Variants in AKAP9 observed in about 807,000 individuals in gnomAD.
AKAP9 encodes A-kinase anchoring protein 9.
In AKAP9, 311 loss-of-function variants were observed where a neutral mutation model predicts 488.5. That is an observed-to-expected ratio of 0.64 (90% CI 0.58 to 0.70). The LOEUF is 0.70. Among genes scored for constraint, AKAP9 ranks in the 30% least tolerant of loss-of-function variants. The pLI is 0.00. For synonymous variants in AKAP9, 1,462 were observed against 1,483.5 expected, an observed-to-expected ratio of 0.99 and a Z score of 0.33; for missense variants, 4,215 against 4,374.5, an observed-to-expected ratio of 0.96 and a Z score of 1.03.
At chr7:92,014,967 C>T (rs1207734224) in intron 10 of AKAP9, among the ~76,000 whole-genome samples, 1 of 152,172 alleles carries the variant, frequency 6.6e-6, no homozygotes, top group Non-Finnish European at 1.5e-5. Context: ...ACCCATCTTT[C>T]TGGGTCCCAG....
chr7:92,049,978 T>C (rs1284569658), intron 21 of AKAP9, among the ~76,000 whole-genome samples: 1 of 152,184 alleles, frequency 6.6e-6, no homozygotes, highest in Non-Finnish European at 1.5e-5. Flanking sequence ...CCCAAAACAT[T>C]AGACTGTCTT....
intron 13 of AKAP9, 94 bp downstream of exon 13, chr7:92,022,446 C>A: frequency 1.1e-6 from 1 of 877,226 alleles, no homozygotes; most frequent in Non-Finnish European, 1.9e-6. Context: ...ACGTAGTGAC[C>A]TTTGGCATTT....
At chr7:92,040,086 G>C (rs1805818221) in intron 17 of AKAP9, among the ~76,000 whole-genome samples, 1 of 152,146 alleles carries the variant, frequency 6.6e-6, no homozygotes, top group Non-Finnish European at 1.5e-5. Context: ...ATTTGTATAA[G>C]TAACATTCCT....
Position 92,073,136 on chromosome 7 carries a change from C to T in AKAP9, c.6612+2127C>T, listed in dbSNP as rs371435907. 1.1e-4 allele frequency among the ~76,000 whole-genome samples: 16 copies of T among 152,042 alleles called. 1 individual carries two copies. Among genetic ancestry groups the T allele is most frequent in the African/African-American group, 3.9e-4 (16 of 41,472 alleles). On this transcript the variant is annotated intron_variant, in intron 28 of 49. Coordinates refer to ENST00000356239, the MANE Select transcript of AKAP9 (RefSeq NM_005751.5). ...ACCCAAATGTAAAACTAGCGGTGGACGTCAAGGAATCTACTGTGTAATTAA... is the reference window on the plus strand; with the variant it reads ...ACCCAAATGTAAAACTAGCGGTGGATGTCAAGGAATCTACTGTGTAATTAA...
At chr7:92,008,454 G>A (rs1329018711) in intron 8 of AKAP9, among the ~76,000 whole-genome samples, 3 of 152,138 alleles carry the variant, frequency 2.0e-5, no homozygotes, top group African/African-American at 7.2e-5. Flanking sequence ...TTGGTAGGCC[G>A]AGGTGGGTGG....
chr7:91,954,433 C>T (rs868815061), intron 1 of AKAP9, among the ~76,000 whole-genome samples: 3 of 152,152 alleles, frequency 2.0e-5, no homozygotes, highest in Admixed American at 1.3e-4. Flanking sequence ...TACAGGTACA[C>T]ACCACCATGC....
Position 91,941,001 on chromosome 7 carries a change from C to A in AKAP9, c.-99C>A. On this transcript the variant is annotated 5_prime_UTR_variant, in exon 1 of 50. Transcript: ENST00000356239. ...GCCGGACCGAATCGGCTCTCTAGGC[C>A]GTGGAGCTTGCCGTCCCACCTCCGT... 1 of 1,253,110 alleles carries A rather than the reference C, an allele frequency of 8.0e-7. No homozygotes were observed. Among genetic ancestry groups the A allele is most frequent in the Non-Finnish European group, 1.2e-6 (1 of 850,876 alleles). The allele number at this position is 1,253,110 out of a possible 1,614,324, so 77.6% of individuals were successfully genotyped here. A position where few individuals can be genotyped will look rare whatever the true frequency, so the allele number is the denominator to read the frequency against.
At chr7:91,969,635 T>C (rs1794811405) in intron 1 of AKAP9, among the ~76,000 whole-genome samples, 1 of 152,232 alleles carries the variant, frequency 6.6e-6, no homozygotes. Context: ...GCTTGCTAAA[T>C]TGACACCTTT....
At chr7:91,980,813 C>A (rs896079277) in intron 3 of AKAP9, among the ~76,000 whole-genome samples, 1 of 151,766 alleles carries the variant, frequency 6.6e-6, no homozygotes, top group African/African-American at 2.4e-5. Context: ...TTAGGAAATA[C>A]CCTCTTTGTG....
At chr7:92,107,609 G>A (rs889400492) in intron 48 of AKAP9, 187 bp downstream of exon 48, 13 of 559,254 alleles carry the variant, frequency 2.3e-5, no homozygotes, top group Non-Finnish European at 3.5e-5. Flanking sequence ...GGCTGAGGCG[G>A]GCAGATCATG....
chr7:92,108,643 G>A lies in AKAP9; in HGVS notation c.11686+10G>A, dbSNP rs1818908399. ...GGAACTATACAGTCAGGTGCTCTGA[G>A]TTTAACCACATCTTGGCAGCACCAC... On this transcript the variant is annotated intron_variant, in intron 49 of 49. Coordinates refer to ENST00000356239, the MANE Select transcript of AKAP9 (RefSeq NM_005751.5). The A allele has an allele frequency of 6.2e-7, 1 of 1,614,132 alleles. No individual in the cohort carries two copies. Among genetic ancestry groups the A allele is most frequent in the East Asian group, 2.2e-5 (1 of 44,886 alleles).
intron 30 of AKAP9, among the ~76,000 whole-genome samples, chr7:92,078,675 G>A (rs541513373): frequency 6.6e-6 from 1 of 151,764 alleles, no homozygotes; most frequent in African/African-American, 2.4e-5. Context: ...TTTCAGAAAG[G>A]CTCTGTGACT....
chr7:91,980,969 AT>A (rs1483900994), intron 3 of AKAP9, among the ~76,000 whole-genome samples: 2 of 152,156 alleles, frequency 1.3e-5, no homozygotes, highest in African/African-American at 4.8e-5. Context: ...GTAAGTCTCA[AT>A]TTATTGTAGG....
intron 1 of AKAP9, among the ~76,000 whole-genome samples, chr7:91,971,527 T>TTGC (rs1584638096): frequency 6.6e-6 from 1 of 151,722 alleles, no homozygotes; most frequent in South Asian, 2.1e-4. Flanking sequence ...GGTTTCCCAT[T>TTGC]TGCTGTTGTT....
rs767411996 is a variant in AKAP9 at position 92,097,094 on chromosome 7, C to G, written c.10135C>G (p.Gln3379Glu). The part of the protein sequence containing the change: ...YKLDSLQTRQ[Q>E]MEKDRQVHRK... ...ACTGGATTCTTTGCAAACACGACAG[C>G]AAATGGAAAAAGATAGGCAGGTTCA... is the stretch of plus-strand genomic sequence containing the variant. The change falls in exon 41 of 50, where the codon CAA becomes GAA. Residue 3379 changes from glutamine to glutamate, a missense_variant. Gln to Glu is a conservative substitution (Grantham distance 29). Transcript: ENST00000356239. 1 of 1,614,126 alleles carries G rather than the reference C, an allele frequency of 6.2e-7. No individual in the cohort carries two copies. The highest frequency in any genetic ancestry group is 8.5e-7 in the Non-Finnish European group (1 of 1,180,028).
intron 8 of AKAP9, among the ~76,000 whole-genome samples, chr7:92,006,226 C>G (rs751877927): frequency 6.6e-6 from 1 of 151,878 alleles, no homozygotes; most frequent in Non-Finnish European, 1.5e-5. Flanking sequence ...TCACAGCATC[C>G]TGCAGCCTTG....
chr7:91,986,988 A>G (rs945934089), intron 3 of AKAP9, among the ~76,000 whole-genome samples: 1 of 152,198 alleles, frequency 6.6e-6, no homozygotes, highest in Admixed American at 6.5e-5. Flanking sequence ...AAGTTTTTGG[A>G]AAGATACTTA....
rs370573284 is a variant in AKAP9 at position 91,964,139 on chromosome 7, A to G, written c.49-9572A>G. Among the ~76,000 whole-genome samples the G allele has an allele frequency of 5.9e-5, 9 of 152,226 alleles. 1 individual carries two copies. The East Asian group carries it at 1.5e-3, about 26-fold the overall frequency. ...AAAAATACCTGTAATCTCAAGTCAGAGATACACCAAAGTTCTCAGTTATAT... is the reference window on the plus strand; with the variant it reads ...AAAAATACCTGTAATCTCAAGTCAGGGATACACCAAAGTTCTCAGTTATAT... On this transcript the variant is annotated intron_variant, in intron 1 of 49. Coordinates refer to ENST00000356239, the MANE Select transcript of AKAP9 (RefSeq NM_005751.5).
intron 38 of AKAP9, among the ~76,000 whole-genome samples, chr7:92,091,402 A>G (rs192967997): frequency 1.9e-3 from 290 of 152,210 alleles, no homozygotes; most frequent in African/African-American, 6.5e-3. Flanking sequence ...CCTGGCCAAC[A>G]TGGTGAAACC....
Sources: allele counts gnomAD v4.1 joint callset (sites outside exome capture counted in the v4.1 genomes callset), GRCh38; gene constraint gnomAD v4.1.1; transcripts MANE v1.5; gene names NCBI Gene and HGNC (gene_info 2026-07-23, HGNC 2026-07-21).